RIMS1: variants seen among roughly 807,000 people sequenced by gnomAD.
RIMS1 encodes regulating synaptic membrane exocytosis protein 1.
Under a neutral mutation model 214.1 loss-of-function variants are expected in RIMS1, and 83 were observed. The ratio of observed to expected loss-of-function variants is 0.39; its 90% CI spans 0.32 to 0.47. The LOEUF (loss-of-function observed/expected upper bound fraction) is 0.47. Among genes scored for constraint, RIMS1 ranks in the 20% least tolerant of loss-of-function variants. The pLI, the probability that RIMS1 is intolerant of heterozygous loss-of-function variation, is 0.99. For synonymous variants in RIMS1, 793 were observed against 786.8 expected (o/e 1.01, Z -0.13); for missense variants, 2,050 against 2,161.8 (o/e 0.95, Z 1.03).
At chr6:72,353,094 G>C (rs952867079) in intron 29 of RIMS1, among the ~76,000 whole-genome samples, 2 of 145,358 alleles carry the variant, frequency 1.4e-5, no homozygotes, top group African/African-American at 5.1e-5. Flanking sequence ...GGGTTCAAGT[G>C]ATTCTCCTGC....
intron 29 of RIMS1, among the ~76,000 whole-genome samples, chr6:72,368,228 T>G (rs1187631311): frequency 1.3e-5 from 2 of 151,930 alleles, no homozygotes; most frequent in African/African-American, 4.8e-5. Context: ...TAAAAAAGTT[T>G]CTTTTTTCCC....
chr6:71,899,196 A>AT (rs1399680910), intron 1 of RIMS1, among the ~76,000 whole-genome samples: 4 of 152,038 alleles, frequency 2.6e-5, no homozygotes, highest in Non-Finnish European at 5.9e-5. Context: ...TTAATTTTAA[A>AT]TTTTTCCCTG....
Position 72,008,465 on chromosome 6 carries a change from A to G in RIMS1, c.245+39402A>G, listed in dbSNP as rs571697445. ...ATCATAATGACAGGATCAAATTCAC[A>G]CATAACAATATTAACGTTCAATGTA... On this transcript the variant is annotated intron_variant, in intron 2 of 33. Transcript: ENST00000521978. 2.6e-5 allele frequency among the ~76,000 whole-genome samples: 4 copies of G among 152,338 alleles called. No individual in the cohort carries two copies. The South Asian group carries it at 8.3e-4, about 32-fold the overall frequency.
At chr6:72,040,377 A>C (rs781419027) in intron 2 of RIMS1, among the ~76,000 whole-genome samples, 2 of 152,054 alleles carry the variant, frequency 1.3e-5, no homozygotes, top group African/African-American at 4.8e-5. Context: ...CCTAGGCAGC[A>C]TGATGATAAT....
intron 4 of RIMS1, among the ~76,000 whole-genome samples, chr6:72,164,363 A>C (rs2463742): frequency 0.69 from 104,824 of 151,358 alleles, 36,745 homozygotes; most frequent in East Asian, 0.84. Context: ...CCTCACCCTG[A>C]TTTGGCTCAC....
At chr6:72,074,535 C>A (rs62409479) in intron 2 of RIMS1, among the ~76,000 whole-genome samples, 4,953 of 152,104 alleles carry the variant, frequency 0.033, 127 homozygotes, top group Middle Eastern at 0.088. Flanking sequence ...CGTGGTGGCC[C>A]ACACCTGTAG....
intron 2 of RIMS1, among the ~76,000 whole-genome samples, chr6:71,993,924 A>G (rs749418478): frequency 2.5e-4 from 38 of 152,168 alleles, no homozygotes; most frequent in Non-Finnish European, 4.7e-4. Context: ...TTTTAATACT[A>G]TTGTTGGTTA....
intron 2 of RIMS1, among the ~76,000 whole-genome samples, chr6:72,086,222 A>C (rs553498214): frequency 6.6e-6 from 1 of 152,304 alleles, no homozygotes; most frequent in East Asian, 1.9e-4. Context: ...GGAGACGACA[A>C]AGGCAAATGG....
At chr6:72,000,522 C>G (rs1804840500) in intron 2 of RIMS1, among the ~76,000 whole-genome samples, 1 of 152,128 alleles carries the variant, frequency 6.6e-6, no homozygotes, top group Non-Finnish European at 1.5e-5. Context: ...CTTAAATACT[C>G]TTACCATTTG....
chr6:72,102,814 A>G (rs2033906362), intron 4 of RIMS1, among the ~76,000 whole-genome samples: 1 of 152,134 alleles, frequency 6.6e-6, no homozygotes, highest in Non-Finnish European at 1.5e-5. Context: ...CAACCAAGAA[A>G]AATAACCATT....
intron 2 of RIMS1, among the ~76,000 whole-genome samples, chr6:72,052,821 A>G (rs978865512): frequency 2.0e-5 from 3 of 152,192 alleles, no homozygotes; most frequent in African/African-American, 7.2e-5. Flanking sequence ...TATACCATAT[A>G]AGACACTTTA....
intron 21 of RIMS1, 139 bp from the exon 22 acceptor site, chr6:72,265,821 C>A: frequency 1.6e-6 from 1 of 634,040 alleles, no homozygotes; most frequent in Admixed American, 3.0e-5. Flanking sequence ...TCTCTCACAC[C>A]CTTATGAACT....
chr6:72,359,853 T>G (rs1039859636), intron 29 of RIMS1, among the ~76,000 whole-genome samples: 1 of 152,188 alleles, frequency 6.6e-6, no homozygotes, highest in African/African-American at 2.4e-5. Flanking sequence ...TGAGCAGATA[T>G]CTAAAGAATT....
intron 1 of RIMS1, among the ~76,000 whole-genome samples, chr6:71,946,061 ACACTTGCTT>A (rs1787727093): frequency 6.6e-6 from 1 of 152,206 alleles, no homozygotes; most frequent in Non-Finnish European, 1.5e-5. Context: ...AATCCGATCT[ACACTTGCTT>A]CAAAAAATAA....
In RIMS1 at chr6:72,182,537, C is replaced by A. The variant is rs572811151; in HGVS notation, c.1066C>A (p.Arg356Ser). 24 of 1,560,232 alleles carry A rather than the reference C, an allele frequency of 1.5e-5. No homozygotes were observed. The South Asian group carries it at 2.6e-4, about 17-fold the overall frequency. Residue 356 changes from arginine to serine, a missense_variant, in exon 6 of 34, where the codon CGC becomes AGC. Coordinates refer to ENST00000521978, the MANE Select transcript of RIMS1 (RefSeq NM_014989.7). ...RKEEDYQTRY[R>S]SDPNLARYPV... ...AGAGGAGGATTATCAGACCAGGTAC[C>A]GCAGCGACCCGAACCTAGCTCGGTA... is the stretch of plus-strand genomic sequence containing the variant.
chr6:72,067,339 G>A (rs80187957), intron 2 of RIMS1, among the ~76,000 whole-genome samples: 1,761 of 152,284 alleles, frequency 0.012, 11 homozygotes, highest in Non-Finnish European at 0.018. Context: ...CCTTCCTGCT[G>A]TTACTTAGTT....
intron 22 of RIMS1, among the ~76,000 whole-genome samples, chr6:72,273,295 T>A (rs182429425): frequency 1.2e-4 from 18 of 152,270 alleles, no homozygotes; most frequent in African/African-American, 4.3e-4. Context: ...ATGGTAGGAC[T>A]AGACTCCTTT....
At chr6:72,391,876 A>G (rs1227531503) in intron 30 of RIMS1, among the ~76,000 whole-genome samples, 3 of 152,144 alleles carry the variant, frequency 2.0e-5, no homozygotes, top group Non-Finnish European at 1.5e-5. Flanking sequence ...AGTAACAAAT[A>G]AAATTTGCCT....
chr6:71,956,059 A>T (rs542329856), intron 1 of RIMS1, among the ~76,000 whole-genome samples: 3 of 152,228 alleles, frequency 2.0e-5, no homozygotes, highest in African/African-American at 7.2e-5. Flanking sequence ...AAATTTCTCT[A>T]TAGGTAAAAG....
Sources: allele counts gnomAD v4.1 joint callset (sites outside exome capture counted in the v4.1 genomes callset), GRCh38; gene constraint gnomAD v4.1.1; transcripts MANE v1.5; gene names NCBI Gene and HGNC (gene_info 2026-07-23, HGNC 2026-07-21).